Variants in DLST observed in about 807,000 individuals in gnomAD.
The protein encoded by DLST is dihydrolipoyllysine-residue succinyltransferase component of 2-oxoglutarate dehydrogenase complex, mitochondrial.
Under a neutral mutation model 53.1 loss-of-function variants are expected in DLST, and 17 were observed. The ratio of observed to expected loss-of-function variants is 0.32; its 90% CI spans 0.22 to 0.48. The LOEUF (loss-of-function observed/expected upper bound fraction) is 0.48, where lower values mean the gene tolerates loss of function less well. Ranked by LOEUF, DLST falls within the 20% of genes least tolerant of loss-of-function variation. DLST has a pLI of 0.99. For missense variants in DLST, 512 were observed against 583.9 expected (o/e 0.88, Z 1.27); for synonymous variants, 206 against 204.8 (o/e 1.01, Z -0.05).
chr14:74,896,103 C>T (rs1316247167), intron 10 of DLST, among the ~76,000 whole-genome samples: 1 of 152,162 alleles, frequency 6.6e-6, no homozygotes, highest in African/African-American at 2.4e-5. Context: ...AAGCCATCCT[C>T]CTGCTTTGGT....
intron 7 of DLST, chr14:74,891,821 A>T: frequency 1.0e-6 from 1 of 985,458 alleles, no homozygotes; most frequent in Non-Finnish European, 1.2e-6. Flanking sequence ...TTACACTAAT[A>T]AGGCAGATAG....
chr14:74,887,897 A>G (rs10141438), intron 3 of DLST, among the ~76,000 whole-genome samples: 96,861 of 152,196 alleles, frequency 0.64, 32,402 homozygotes, highest in African/African-American at 0.86. Context: ...ATACCTAAAG[A>G]CAACTTAAAT....
intron 7 of DLST, 126 bp downstream of exon 7, chr14:74,891,293 A>G: frequency 6.7e-7 from 1 of 1,488,316 alleles, no homozygotes; most frequent in Non-Finnish European, 9.0e-7. Flanking sequence ...AGTTGAGGGA[A>G]TAAGGGGTAA....
At chr14:74,889,806 G>C (rs1272388447) in intron 5 of DLST, 91 bp from the exon 6 acceptor site, 2 of 1,286,764 alleles carry the variant, frequency 1.6e-6, no homozygotes, top group Non-Finnish European at 2.2e-6. Flanking sequence ...GTAGGAAAGG[G>C]TTCTTATAAC....
chr14:74,894,560 T>C, intron 10 of DLST, 151 bp downstream of exon 10: 1 of 861,976 alleles, frequency 1.2e-6, no homozygotes, highest in Non-Finnish European at 1.7e-6. Flanking sequence ...TTTGTTTTTG[T>C]TTTTTGAGAT....
chr14:74,891,353 A>AT, intron 7 of DLST, 186 bp downstream of exon 7: 1 of 1,369,360 alleles, frequency 7.3e-7, no homozygotes, highest in Non-Finnish European at 9.4e-7. Context: ...AGAAAAGTGT[A>AT]TTTTTTAAAA....
rs1884187594 is a variant in DLST at position 74,899,917 on chromosome 14, T to C, written c.902-6T>C. ...TTGTATGTAACATGTATTTTCTCTC[T>C]CATAGTGATTGACGACACAACCAAA... On this transcript the variant is annotated splice_polypyrimidine_tract_variant and splice_region_variant and intron_variant, in intron 11 of 14. Coordinates refer to ENST00000334220, the MANE Select transcript of DLST (RefSeq NM_001933.5). 1 of 1,610,628 alleles carries C rather than the reference T, an allele frequency of 6.2e-7. No homozygotes were observed. The highest frequency in any genetic ancestry group is 1.3e-5 in the African/African-American group (1 of 74,840).
chr14:74,883,788 C>T (rs1348676434), intron 2 of DLST, among the ~76,000 whole-genome samples: 1 of 152,224 alleles, frequency 6.6e-6, no homozygotes, highest in African/African-American at 2.4e-5. Context: ...CTACCTGACC[C>T]ATCCTGAACT....
In DLST at chr14:74,891,814, C is replaced by G. The variant is rs775302624; in HGVS notation, c.442+647C>G. ...GAAGTCTATTTCTTTTTCACTGTTA[C>G]ACTAATAAGGCAGATAGACCGCATG... On this transcript the variant is annotated intron_variant, in intron 7 of 14. Coordinates refer to ENST00000334220, the MANE Select transcript of DLST (RefSeq NM_001933.5). 3.0e-6 allele frequency: 3 copies of G among 985,278 alleles called. No homozygotes were observed. In the South Asian group the frequency reaches 1.4e-4, roughly 46 times the overall value. 61.0% of individuals were successfully genotyped at this position (985,278 alleles called of 1,614,324 possible).
rs895826465 is a variant in DLST at position 74,893,334 on chromosome 14, C to G, written c.596-14C>G. The G allele has an allele frequency of 1.9e-6, 3 of 1,614,068 alleles. No individual in the cohort carries two copies. The Admixed American group carries it at 5.0e-5, about 27-fold the overall frequency. ...TCCTTGTCTGATGCAGCTTTATCCT[C>G]TTTTCATTTTCAGTGTCTGCAGTAA... On this transcript the variant is annotated splice_polypyrimidine_tract_variant and intron_variant, in intron 8 of 14. Transcript: ENST00000334220.
intron 3 of DLST, among the ~76,000 whole-genome samples, chr14:74,886,186 A>G (rs933899736): frequency 1.3e-5 from 2 of 152,196 alleles, no homozygotes; most frequent in Admixed American, 6.5e-5. Context: ...TTGCATTCCA[A>G]GTGTTTTTGT....
chr14:74,891,393 G>T, intron 7 of DLST: 1 of 1,197,950 alleles, frequency 8.3e-7, no homozygotes, highest in Non-Finnish European at 1.0e-6. Flanking sequence ...TCTTTCCATG[G>T]GTGTTTCTTA....
At chr14:74,898,921 C>T (rs1416833752) in intron 11 of DLST, among the ~76,000 whole-genome samples, 1 of 152,256 alleles carries the variant, frequency 6.6e-6, no homozygotes, top group Non-Finnish European at 1.5e-5. Flanking sequence ...TCACTGGGAG[C>T]TTCGGCTTGG....
intron 9 of DLST, 81 bp from the exon 10 acceptor site, chr14:74,894,231 G>A (rs1884001701): frequency 1.9e-6 from 3 of 1,541,744 alleles, no homozygotes; most frequent in Non-Finnish European, 2.7e-6. Context: ...CTCGTGGCAA[G>A]CCGTGTTCTT....
intron 3 of DLST, 172 bp from the exon 4 acceptor site, chr14:74,888,923 G>C: frequency 1.5e-6 from 1 of 651,266 alleles, no homozygotes; most frequent in Non-Finnish European, 2.7e-6. Flanking sequence ...AGAATCCCTG[G>C]GGGAGAGGCC....
intron 5 of DLST, chr14:74,889,627 T>C: frequency 1.9e-6 from 1 of 540,368 alleles, no homozygotes. Context: ...CACCTCAGCC[T>C]GCCACAAAGT....
rs116434046 is a variant in DLST, at chr14:74,898,549, G to A, written c.901+50G>A. Reference sequence around the variant, plus strand: ...GAGAGGTCCTGGGAGGTAGGTGTATGAGCACAGACCTGCTCCCACATGCAG... The same window carrying A: ...GAGAGGTCCTGGGAGGTAGGTGTATAAGCACAGACCTGCTCCCACATGCAG... On this transcript the variant is annotated intron_variant, in intron 11 of 14. Coordinates refer to ENST00000334220, the MANE Select transcript of DLST (RefSeq NM_001933.5). The A allele has an allele frequency of 5.5e-4, 875 of 1,602,516 alleles. 2 individuals carry two copies. The African/African-American group carries it at 7.2e-3, about 13-fold the overall frequency.
chr14:74,889,250 A>G (rs1166601271), intron 4 of DLST, 25 bp from the exon 5 acceptor site: 3 of 1,609,648 alleles, frequency 1.9e-6, no homozygotes, highest in Non-Finnish European at 2.5e-6. Context: ...ACTACTTATG[A>G]TTTTCTTTTT....
rs1884348311 is a variant in DLST at position 74,903,521 on chromosome 14, C to T, written c.*1191C>T. 1 of 149,530 alleles carries T rather than the reference C, an allele frequency of 6.7e-6. No homozygotes were observed. The highest frequency in any genetic ancestry group is 6.8e-5 in the Admixed American group (1 of 14,712). The allele number at this position is 149,530 out of a possible 1,614,324, so 9.3% of individuals were successfully genotyped here. A position where few individuals can be genotyped will look rare whatever the true frequency, so the allele number is the denominator to read the frequency against. ...TCATGGCTTTGTATCCAACTGCATC[C>T]AGGCCTGAGGCTGCTGACGTTTGAC... On this transcript the variant is annotated 3_prime_UTR_variant, in exon 15 of 15. Transcript: ENST00000334220.
Sources: gnomAD v4.1 joint callset for allele counts (sites outside exome capture counted in the v4.1 genomes callset) on GRCh38, gnomAD v4.1.1 for gene constraint, MANE v1.5 for transcripts, NCBI Gene and HGNC (gene_info 2026-07-23, HGNC 2026-07-21) for gene names.